Variants in ZNF732 observed in about 807,000 individuals in gnomAD.
ZNF732 encodes zinc finger protein LOC654254.
Under a neutral mutation model 11.5 loss-of-function variants are expected in ZNF732, and 12 were observed. The observed-to-expected ratio is 1.05, with a 90% CI of 0.67 to 1.70. ZNF732 has a LOEUF of 1.70. Ranked by LOEUF, ZNF732 falls within the 40% of genes most tolerant of loss-of-function variation. The probability of loss-of-function intolerance (pLI) is 0.00; values close to 1 mark genes in which losing one functional copy is unlikely to be tolerated. For missense variants in ZNF732, 702 were observed against 676.9 expected, an observed-to-expected ratio of 1.04 and a Z score of -0.41; for synonymous variants, 231 against 236.5, an observed-to-expected ratio of 0.98 and a Z score of 0.21.
Position 271,937 on chromosome 4 carries a change from TTG to T in ZNF732, c.918_919del (p.Tyr306Ter), listed in dbSNP as rs1719385254. The stretch of plus-strand genomic sequence containing the variant: ...AAAGACTTTGCCACATTCCTGACAT[TTG>T]TAGAGTTTCTCTCCGGTATGAATTT... On this transcript the variant is annotated stop_gained and frameshift_variant, in exon 4 of 4. Coordinates refer to ENST00000419098, the MANE Select transcript of ZNF732 (RefSeq NM_001137608.3). LOFTEE classifies it low-confidence loss of function (END_TRUNC). 6.2e-7 allele frequency: 1 copy of T among 1,609,540 alleles called. No individual in the cohort carries two copies. The highest frequency in any genetic ancestry group is 8.5e-7 in the Non-Finnish European group (1 of 1,177,630).
chr4:295,635 A>G, intron 2 of ZNF732, 102 bp from the exon 3 acceptor site: 1 of 1,029,754 alleles, frequency 9.7e-7, no homozygotes, highest in South Asian at 1.7e-5. Context: ...GATCCTACAT[A>G]ATTAATCCAA....
At chr4:286,073 C>G (rs1172793231) in intron 3 of ZNF732, among the ~76,000 whole-genome samples, 1 of 152,080 alleles carries the variant, frequency 6.6e-6, no homozygotes, top group African/African-American at 2.4e-5. Context: ...GTTTTGTCTC[C>G]CCTGACAAAA....
intron 1 of ZNF732, among the ~76,000 whole-genome samples, chr4:298,046 T>C (rs1719996294): frequency 6.6e-6 from 1 of 152,214 alleles, no homozygotes; most frequent in African/African-American, 2.4e-5. Flanking sequence ...TTTAATAACA[T>C]ACAACAAGGA....
intron 1 of ZNF732, among the ~76,000 whole-genome samples, chr4:302,208 AG>A (rs1720131744): frequency 6.6e-6 from 1 of 152,166 alleles, no homozygotes; most frequent in Admixed American, 6.5e-5. Context: ...TGAAGCCTAG[AG>A]GGCACTTGTG....
chr4:292,269 C>T (rs1336387048), intron 3 of ZNF732, among the ~76,000 whole-genome samples: 1 of 151,976 alleles, frequency 6.6e-6, no homozygotes. Context: ...TTCTAAAAAC[C>T]CTACAGGATA....
chr4:295,594 C>T, intron 2 of ZNF732, 61 bp from the exon 3 acceptor site: 1 of 1,341,932 alleles, frequency 7.5e-7, no homozygotes, highest in Non-Finnish European at 1.0e-6. Context: ...CTACCTAATA[C>T]TATACTAAGT....
intron 1 of ZNF732, among the ~76,000 whole-genome samples, chr4:303,055 C>T (rs1004845892): frequency 5.9e-5 from 9 of 152,124 alleles, no homozygotes; most frequent in Non-Finnish European, 1.3e-4. Context: ...AATACTGTGG[C>T]GAGCAATATC....
chr4:283,701 A>T (rs1719662936), intron 3 of ZNF732, among the ~76,000 whole-genome samples: 1 of 152,152 alleles, frequency 6.6e-6, no homozygotes, highest in South Asian at 2.1e-4. Flanking sequence ...TTCAGACTGA[A>T]AGTTAGTAAG....
chr4:283,765 T>C (rs1198578338), intron 3 of ZNF732, among the ~76,000 whole-genome samples: 2 of 152,148 alleles, frequency 1.3e-5, no homozygotes, highest in African/African-American at 2.4e-5. Context: ...GACATATATA[T>C]AGAACATTTC....
At chr4:286,069 T>C (rs1402012169) in intron 3 of ZNF732, among the ~76,000 whole-genome samples, 4 of 152,202 alleles carry the variant, frequency 2.6e-5, no homozygotes, top group African/African-American at 7.2e-5. Flanking sequence ...ATGAGTTTTG[T>C]CTCCCCTGAC....
At position 271,705 on chromosome 4, in the gene ZNF732, A is replaced by T; in HGVS notation, c.1152T>A (p.His384Gln). 6.2e-7 allele frequency: 1 copy of T among 1,613,014 alleles called. No individual in the cohort carries two copies. Among genetic ancestry groups the T allele is most frequent in the Non-Finnish European group, 8.5e-7 (1 of 1,179,402 alleles). Residue 384 changes from histidine (H) to glutamine (Q), a missense_variant, in exon 4 of 4, where the codon CAT (histidine) becomes CAA (glutamine). Around this residue, in one of 3 missense-constraint regions of ZNF732, gnomAD observed 596 missense variants for 557.9 expected, o/e 1.07. Coordinates refer to ENST00000419098, the MANE Select transcript of ZNF732 (RefSeq NM_001137608.3). ...CACATGTGTAGGGTTTCTCTCCAGTATGAATACTCTTATGTTTATTAAGGG... is the reference window on the plus strand; with the variant it reads ...CACATGTGTAGGGTTTCTCTCCAGTTTGAATACTCTTATGTTTATTAAGGG... ...SATLNKHKSI[H>Q]TGEKPYTCEE...
intron 3 of ZNF732, among the ~76,000 whole-genome samples, chr4:288,534 TGAA>T (rs1719777835): frequency 6.6e-6 from 1 of 152,216 alleles, no homozygotes. Flanking sequence ...GCAACCTTGT[TGAA>T]GATCATTTGA....
chr4:285,248 G>A (rs1483931219), intron 3 of ZNF732, among the ~76,000 whole-genome samples: 1 of 152,204 alleles, frequency 6.6e-6, no homozygotes, highest in Non-Finnish European at 1.5e-5. Context: ...TCAGTGCACA[G>A]GTGGAGAAAG....
At chr4:294,598 T>C (rs1553841882) in intron 3 of ZNF732, among the ~76,000 whole-genome samples, 1 of 152,198 alleles carries the variant, frequency 6.6e-6, no homozygotes, top group African/African-American at 2.4e-5. Context: ...AACACTTTAA[T>C]CCAGTGGGGG....
Position 272,451 on chromosome 4 carries a change from T to C in ZNF732, c.406A>G (p.Ile136Val), listed in dbSNP as rs1719407965. Residue 136 changes from isoleucine (I) to valine (V), a missense_variant, in exon 4 of 4, where the codon ATC (isoleucine) becomes GTC (valine). Ile to Val is a conservative substitution (Grantham distance 29, BLOSUM62 3). This residue lies in a region of ZNF732 where 596 missense variants were observed against 557.9 expected (regional missense o/e 1.07). Transcript: ENST00000419098. ...TTACACTGAAATATTTTGCTCTGGA[T>C]AGTTGACAAGCATTGATTAAATTCA... The part of the protein sequence containing the change: ...YNEFNQCLST[I>V]QSKIFQCNVH... 1 of 1,600,638 alleles carries C rather than the reference T, an allele frequency of 6.2e-7. No homozygotes were observed.
Position 271,718 on chromosome 4 carries a change from T to C in ZNF732, c.1139A>G (p.His380Arg), listed in dbSNP as rs782070059. 4.3e-5 allele frequency: 69 copies of C among 1,612,878 alleles called. No individual in the cohort carries two copies. In the African/African-American group the frequency reaches 5.5e-4, roughly 13 times the overall value. The change falls in exon 4 of 4, where the codon CAT becomes CGT. Residue 380 changes from histidine to arginine, a missense_variant. Coordinates refer to ENST00000419098, the MANE Select transcript of ZNF732 (RefSeq NM_001137608.3). ...AFRQSATLNK[H>R]KSIHTGEKPY... ...TTTCTCTCCAGTATGAATACTCTTA[T>C]GTTTATTAAGGGTTGCGGATTGTCT...
chr4:271,547 T>A lies in ZNF732; in HGVS notation c.1310A>T (p.Lys437Met), dbSNP rs782649660. 3 of 1,611,950 alleles carry A rather than the reference T, an allele frequency of 1.9e-6. No individual in the cohort carries two copies. The highest frequency in any genetic ancestry group is 3.3e-5 in the Admixed American group (2 of 59,912). ...AGGTTTCTCTCCAGTATGAATTATCTTATGTTTATTCAGGTCTGTGGACCA... is the reference window on the plus strand; with the variant it reads ...AGGTTTCTCTCCAGTATGAATTATCATATGTTTATTCAGGTCTGTGGACCA... ...FGWSTDLNKH[K>M]IIHTGEKPYK... is the part of the protein sequence containing the mutation. The change falls in exon 4 of 4, where the codon AAG becomes ATG. Residue 437 changes from lysine to methionine, a missense_variant. Around this residue, in one of 3 missense-constraint regions of ZNF732, gnomAD observed 596 missense variants for 557.9 expected, o/e 1.07. Coordinates refer to ENST00000419098, the MANE Select transcript of ZNF732 (RefSeq NM_001137608.3).
chr4:272,736 C>T, intron 3 of ZNF732, 106 bp from the exon 4 acceptor site: 1 of 1,054,642 alleles, frequency 9.5e-7, no homozygotes, highest in Non-Finnish European at 1.3e-6. Flanking sequence ...GATGGCATAA[C>T]AAAATACCAC....
chr4:299,512 T>TGTGTATATATATATAC (rs1720061420), intron 1 of ZNF732, among the ~76,000 whole-genome samples: 1 of 129,860 alleles, frequency 7.7e-6, no homozygotes, highest in African/African-American at 3.0e-5. Flanking sequence ...TACACACATA[T>TGTGTATATATATATAC]ACGTATATAT....
Sources: allele counts gnomAD v4.1 joint callset (sites outside exome capture counted in the v4.1 genomes callset), GRCh38; gene constraint gnomAD v4.1.1; regional missense constraint gnomAD v4.1.1; transcripts MANE v1.5; gene names NCBI Gene and HGNC (gene_info 2026-07-23, HGNC 2026-07-21).